The following UBR4 variants were observed in gnomAD, a reference collection of about 807,000 sequenced individuals.
The protein encoded by UBR4 is E3 ubiquitin-protein ligase UBR4.
A neutral mutation model predicts 575.6 loss-of-function variants in UBR4; 124 were observed. The observed-to-expected ratio is 0.22, with a 90% CI of 0.19 to 0.25. The LOEUF is 0.25. Among genes scored for constraint, UBR4 ranks in the 10% least tolerant of loss-of-function variants. The pLI is 1.00. For synonymous variants in UBR4, 2,455 were observed against 2,473.7 expected (o/e 0.99, Z 0.22); for missense variants, 4,818 against 6,478.8 (o/e 0.74, Z 8.80).
chr1:19,176,855 TTC>T (rs2090318215), intron 19 of UBR4, 128 bp from the exon 20 acceptor site: 2 of 1,076,682 alleles, frequency 1.9e-6, no homozygotes, highest in East Asian at 2.6e-5. Flanking sequence ...CATTCAAATA[TTC>T]TGTTTTATTG....
intron 90 of UBR4, among the ~76,000 whole-genome samples, chr1:19,099,165 G>T (rs1202728702): frequency 1.3e-5 from 2 of 152,154 alleles, no homozygotes; most frequent in Non-Finnish European, 2.9e-5. Context: ...TAGTAAAACA[G>T]AAATGATGCT....
chr1:19,162,010 A>T lies in UBR4; in HGVS notation c.4957-113T>A, dbSNP rs2087455501. The T allele has an allele frequency of 3.4e-6, 4 of 1,190,332 alleles. No homozygotes were observed. The South Asian group carries it at 5.6e-5, about 17-fold the overall frequency. 73.7% of individuals were successfully genotyped at this position (1,190,332 alleles called of 1,614,324 possible). A position where few individuals can be genotyped will look rare whatever the true frequency, so the allele number is the denominator to read the frequency against. ...GGGGTGAATAGTTGACTCGCAAATG[A>T]CCCGTGGAAATCTACCACAACTGGA... On this transcript the variant is annotated intron_variant, in intron 35 of 105. Coordinates refer to ENST00000375254, the MANE Select transcript of UBR4 (RefSeq NM_020765.3).
Position 19,192,279 on chromosome 1 carries a change from C to T in UBR4, c.1303G>A (p.Glu435Lys). 6.2e-7 allele frequency: 1 copy of T among 1,614,192 alleles called. No homozygotes were observed. The highest frequency in any genetic ancestry group is 8.5e-7 in the Non-Finnish European group (1 of 1,180,036). The change falls in exon 11 of 106, where the codon GAG (glutamate) becomes AAG (lysine). Residue 435 changes from glutamate to lysine, a missense_variant. By Grantham distance (56) the Glu-to-Lys change is moderately conservative. Around this residue, in one of 29 missense-constraint regions of UBR4, gnomAD observed 162 missense variants for 216.4 expected, o/e 0.75. Coordinates refer to ENST00000375254, the MANE Select transcript of UBR4 (RefSeq NM_020765.3). ...CGGAGGGCAGCCAGTGGGTCCTTCTCTTTCCCCTTATCAGCCAACGCAGTA... is the reference window on the plus strand; with the variant it reads ...CGGAGGGCAGCCAGTGGGTCCTTCTTTTTCCCCTTATCAGCCAACGCAGTA... ...SPTALADKGK[E>K]KDPLAALRVR...
intron 81 of UBR4, among the ~76,000 whole-genome samples, chr1:19,109,186 T>A (rs1286372997): frequency 6.6e-6 from 1 of 151,704 alleles, no homozygotes; most frequent in Non-Finnish European, 1.5e-5. Context: ...AGAACAGGAG[T>A]CAGAAGGACC....
At chr1:19,102,989 A>T (rs1433959342) in intron 87 of UBR4, among the ~76,000 whole-genome samples, 1 of 152,150 alleles carries the variant, frequency 6.6e-6, no homozygotes, top group East Asian at 1.9e-4. Flanking sequence ...AGGTCTGAAA[A>T]TCCTGAGGCT....
intron 103 of UBR4, chr1:19,081,075 C>T (rs1453037871): frequency 3.0e-5 from 11 of 369,438 alleles, no homozygotes; most frequent in South Asian, 6.1e-5. Flanking sequence ...TTGGTTTTAT[C>T]ACCCTGTGCC....
intron 29 of UBR4, among the ~76,000 whole-genome samples, chr1:19,166,056 T>G (rs76767548): frequency 0.018 from 2,726 of 152,296 alleles, 84 homozygotes; most frequent in African/African-American, 0.062. Context: ...AAAAGACACT[T>G]TGGACAAATC....
chr1:19,095,096 T>C, intron 93 of UBR4, 71 bp from the exon 94 acceptor site: 4 of 1,608,964 alleles, frequency 2.5e-6, no homozygotes, highest in Non-Finnish European at 3.4e-6. Flanking sequence ...ACAATTGCTC[T>C]CAAGGATGCC....
rs1484190741 is a variant in UBR4 at position 19,145,935 on chromosome 1, T to C, written c.7805-2A>G. The C allele has an allele frequency of 3.1e-6, 5 of 1,613,412 alleles. No homozygotes were observed. The highest frequency in any genetic ancestry group is 1.3e-5 in the African/African-American group (1 of 74,884). On this transcript the variant is annotated splice_acceptor_variant, in intron 52 of 105. Transcript: ENST00000375254. LOFTEE classifies it high-confidence loss of function. Reference sequence around the variant, plus strand: ...GTTCCTTCCCTTCATCCATTCCTTCTAAGCAGGAGAAAGAAAATTATCAAC... The same window carrying C: ...GTTCCTTCCCTTCATCCATTCCTTCCAAGCAGGAGAAAGAAAATTATCAAC...
chr1:19,142,588 G>C (rs1571029417), intron 55 of UBR4, among the ~76,000 whole-genome samples: 1 of 152,216 alleles, frequency 6.6e-6, no homozygotes, highest in Non-Finnish European at 1.5e-5. Context: ...CAATCCTCTA[G>C]ATGTGCACTG....
At chr1:19,168,290 A>T in intron 27 of UBR4, 106 bp from the exon 28 acceptor site, 1 of 1,123,788 alleles carries the variant, frequency 8.9e-7, no homozygotes, top group Non-Finnish European at 1.2e-6. Flanking sequence ...TGACGTTTGT[A>T]AACAATAGCC....
chr1:19,162,402 A>C lies in UBR4; in HGVS notation c.4956+18T>G, dbSNP rs2087533237. On this transcript the variant is annotated intron_variant, in intron 35 of 105. Transcript: ENST00000375254. ...TCATTACCTTGAGAGGTTAACTTCGAGGTTACTTAGTACTTACTGAATCCT... is the reference window on the plus strand; with the variant it reads ...TCATTACCTTGAGAGGTTAACTTCGCGGTTACTTAGTACTTACTGAATCCT... 4.4e-6 allele frequency: 7 copies of C among 1,603,834 alleles called. No homozygotes were observed. In the South Asian group the frequency reaches 7.8e-5, roughly 18 times the overall value.
At chr1:19,076,487 G>A (rs370745360) in intron 105 of UBR4, among the ~76,000 whole-genome samples, 11 of 152,170 alleles carry the variant, frequency 7.2e-5, no homozygotes, top group Admixed American at 5.2e-4. Context: ...GGGCTGCCTC[G>A]AGGGCTGAGA....
intron 11 of UBR4, among the ~76,000 whole-genome samples, chr1:19,191,134 T>TG (rs1327565867): frequency 4.6e-5 from 7 of 152,198 alleles, no homozygotes; most frequent in Admixed American, 3.3e-4. Flanking sequence ...ATCATGTCTT[T>TG]GGAGCCCTTT....
intron 52 of UBR4, chr1:19,146,156 C>T (rs571245584): frequency 2.6e-5 from 38 of 1,456,836 alleles, no homozygotes; most frequent in Middle Eastern, 3.6e-4. Flanking sequence ...TTAAGTAGAA[C>T]GGGGAGCATT....
chr1:19,091,532 C>T (rs2077509748), intron 97 of UBR4, among the ~76,000 whole-genome samples: 1 of 152,166 alleles, frequency 6.6e-6, no homozygotes, highest in African/African-American at 2.4e-5. Context: ...AAGACATGAA[C>T]AGACATTTCA....
At chr1:19,179,784 G>A (rs2090682960) in intron 17 of UBR4, among the ~76,000 whole-genome samples, 1 of 152,132 alleles carries the variant, frequency 6.6e-6, no homozygotes, top group Non-Finnish European at 1.5e-5. Context: ...CAGTAACTAA[G>A]CTGCAAATTA....
At chr1:19,207,698 C>CCAAGCTAGGGGTTGG (rs1227587826) in intron 1 of UBR4, among the ~76,000 whole-genome samples, 3 of 151,926 alleles carry the variant, frequency 2.0e-5, no homozygotes, top group African/African-American at 7.3e-5. Flanking sequence ...TTTGTGTGCT[C>CCAAGCTAGGGGTTGG]CAAGCTAGGG....
rs1002727653 is a variant in UBR4 at position 19,184,611 on chromosome 1, C to T, written c.1939-436G>A. Among the ~76,000 whole-genome samples, 5 of 152,256 alleles carry T rather than the reference C, an allele frequency of 3.3e-5. No homozygotes were observed. The East Asian group carries it at 5.8e-4, about 18-fold the overall frequency. The stretch of plus-strand genomic sequence containing the variant: ...TTATTGTATAAATGTTTTTTGTCCA[C>T]ATCCTTGACTGTAAGCTATATATAT... On this transcript the variant is annotated intron_variant, in intron 15 of 105. Transcript: ENST00000375254.
Sources: allele counts gnomAD v4.1 joint callset (sites outside exome capture counted in the v4.1 genomes callset), GRCh38; gene constraint gnomAD v4.1.1; regional missense constraint gnomAD v4.1.1; transcripts MANE v1.5; gene names NCBI Gene and HGNC (gene_info 2026-07-23, HGNC 2026-07-21).